Variants in SLCO1B3 observed in about 807,000 individuals in gnomAD.
The protein encoded by SLCO1B3 is solute carrier organic anion transporter family member 1B3.
In SLCO1B3, 72 loss-of-function variants were observed where a neutral mutation model predicts 71.8. The observed-to-expected ratio is 1.00, with a 90% CI of 0.83 to 1.22. SLCO1B3 has a LOEUF of 1.22. SLCO1B3 is among the 50% of genes most tolerant of loss of function. The probability of loss-of-function intolerance (pLI) is 0.00; values close to 1 mark genes in which losing one functional copy is unlikely to be tolerated. For synonymous variants in SLCO1B3, 298 were observed against 278.4 expected (o/e 1.07, Z -0.70); for missense variants, 911 against 819.7 (o/e 1.11, Z -1.36).
chr12:20,814,453 GAAC>G (rs1281944447), intron 2 of SLCO1B3, among the ~76,000 whole-genome samples: 2 of 152,112 alleles, frequency 1.3e-5, no homozygotes, highest in African/African-American at 4.8e-5. Context: ...CATATATTAT[GAAC>G]AACAGAATAC....
chr12:20,878,853 A>G (rs1453410128), intron 10 of SLCO1B3, among the ~76,000 whole-genome samples: 1 of 152,060 alleles, frequency 6.6e-6, no homozygotes, highest in Non-Finnish European at 1.5e-5. Flanking sequence ...ATCATGGTAG[A>G]TATGTCTTTT....
chr12:20,880,745 C>G (rs1472631447), intron 11 of SLCO1B3, 110 bp from the exon 12 acceptor site: 8 of 613,882 alleles, frequency 1.3e-5, no homozygotes, highest in Non-Finnish European at 2.1e-5. Flanking sequence ...TTTTCCTCTT[C>G]TCTTCCTCCT....
intron 8 of SLCO1B3, among the ~76,000 whole-genome samples, chr12:20,874,553 C>G (rs1280836684): frequency 6.6e-6 from 1 of 152,154 alleles, no homozygotes; most frequent in Non-Finnish European, 1.5e-5. Context: ...TTTCTACCTA[C>G]TAAAATAACT....
chr12:20,869,746 T>G (rs1368917210), intron 8 of SLCO1B3, among the ~76,000 whole-genome samples: 1 of 152,214 alleles, frequency 6.6e-6, no homozygotes, highest in African/African-American at 2.4e-5. Context: ...CTGTAGATAT[T>G]AGGTTGTTTT....
At chr12:20,871,879 C>T (rs921484962) in intron 8 of SLCO1B3, among the ~76,000 whole-genome samples, 4 of 151,990 alleles carry the variant, frequency 2.6e-5, no homozygotes, top group African/African-American at 7.2e-5. Flanking sequence ...TAACTACTGT[C>T]GGGCTACCAT....
intron 8 of SLCO1B3, among the ~76,000 whole-genome samples, chr12:20,871,951 A>C (rs1253369224): frequency 1.3e-5 from 2 of 152,128 alleles, no homozygotes; most frequent in Non-Finnish European, 2.9e-5. Flanking sequence ...CCAGGTTTGT[A>C]TCCTTCCCTT....
At chr12:20,815,945 C>T (rs1325586638) in intron 3 of SLCO1B3, 123 bp downstream of exon 3, 7 of 496,334 alleles carry the variant, frequency 1.4e-5, no homozygotes, top group Non-Finnish European at 2.5e-5. Context: ...TTGAAGCGTA[C>T]ATTAAAATAT....
chr12:20,833,441 TAC>T (rs1424502877), intron 3 of SLCO1B3, among the ~76,000 whole-genome samples: 1 of 149,662 alleles, frequency 6.7e-6, no homozygotes, highest in African/African-American at 2.4e-5. Context: ...TTACTATATA[TAC>T]ACACATATAT....
intron 8 of SLCO1B3, among the ~76,000 whole-genome samples, chr12:20,872,995 C>A (rs187972747): frequency 4.6e-5 from 7 of 152,232 alleles, no homozygotes; most frequent in Non-Finnish European, 2.9e-5. Flanking sequence ...GTCTTATCAG[C>A]ACCTTTACAC....
In SLCO1B3 at chr12:20,848,247, A is replaced by T. The variant is rs576987876; in HGVS notation, c.85-6781A>T. Among the ~76,000 whole-genome samples the T allele has an allele frequency of 3.3e-5, 5 of 152,338 alleles. No homozygotes were observed. In the East Asian group the frequency reaches 9.6e-4, roughly 29 times the overall value. On this transcript the variant is annotated intron_variant, in intron 3 of 15. Coordinates refer to ENST00000381545, the MANE Select transcript of SLCO1B3 (RefSeq NM_019844.4). ...ACTATATGAAAACATGTTCAACATA[A>T]TATGTCAATAGTGAATTGCCAATTC...
intron 8 of SLCO1B3, among the ~76,000 whole-genome samples, chr12:20,866,458 C>T (rs1020638329): frequency 1.5e-5 from 1 of 66,016 alleles, no homozygotes; most frequent in African/African-American, 3.0e-5. Flanking sequence ...ACTGTAGACT[C>T]GAAACATGAT....
At chr12:20,874,720 C>G (rs568050328) in intron 8 of SLCO1B3, among the ~76,000 whole-genome samples, 1 of 152,248 alleles carries the variant, frequency 6.6e-6, no homozygotes, top group South Asian at 2.1e-4. Context: ...AGTTTTTCAT[C>G]CTCTGTGCTG....
At chr12:20,822,198 C>A (rs887234039) in intron 3 of SLCO1B3, among the ~76,000 whole-genome samples, 1 of 152,094 alleles carries the variant, frequency 6.6e-6, no homozygotes, top group Non-Finnish European at 1.5e-5. Flanking sequence ...CATGTGTGTC[C>A]ATGTGAAGAG....
chr12:20,906,455 A>T (rs1866247731), intron 15 of SLCO1B3, among the ~76,000 whole-genome samples: 1 of 152,276 alleles, frequency 6.6e-6, no homozygotes, highest in East Asian at 1.9e-4. Flanking sequence ...AACCTATAGA[A>T]CTTTACAACA....
At chr12:20,834,560 A>G (rs925818638) in intron 3 of SLCO1B3, among the ~76,000 whole-genome samples, 3 of 151,010 alleles carry the variant, frequency 2.0e-5, no homozygotes, top group Non-Finnish European at 4.4e-5. Context: ...TTTAGCATCT[A>G]TCTCTCTGTA....
intron 3 of SLCO1B3, among the ~76,000 whole-genome samples, chr12:20,853,024 T>C (rs1309081552): frequency 6.6e-6 from 1 of 152,128 alleles, no homozygotes. Context: ...GAGATGATCA[T>C]GTGGTTTTGT....
intron 5 of SLCO1B3, 179 bp downstream of exon 5, chr12:20,858,750 A>G (rs993631379): frequency 9.6e-5 from 39 of 404,402 alleles, no homozygotes; most frequent in African/African-American, 8.0e-4. Flanking sequence ...TTCATCATGT[A>G]TTTCTTTATT....
At chr12:20,826,265 C>T (rs2121110565) in intron 3 of SLCO1B3, among the ~76,000 whole-genome samples, 1 of 151,398 alleles carries the variant, frequency 6.6e-6, no homozygotes, top group Non-Finnish European at 1.5e-5. Context: ...AATAGCAGAA[C>T]CTGAGGGAAA....
Position 20,898,399 on chromosome 12 carries a change from T to G in SLCO1B3, c.1683-37T>G, listed in dbSNP as rs769092171. Reference sequence around the variant, plus strand: ...ATATTAACTCAGTTTGATTTTTTAATGACATGTATTATTTCTTTGCCTTTA... The same window carrying G: ...ATATTAACTCAGTTTGATTTTTTAAGGACATGTATTATTTCTTTGCCTTTA... On this transcript the variant is annotated intron_variant, in intron 13 of 15. Transcript: ENST00000381545. 9 of 1,324,138 alleles carry G rather than the reference T, an allele frequency of 6.8e-6. No homozygotes were observed. In the African/African-American group the frequency reaches 1.3e-4, roughly 19 times the overall value. 82.0% of individuals were successfully genotyped at this position (1,324,138 alleles called of 1,614,324 possible).
Sources: allele counts gnomAD v4.1 joint callset (sites outside exome capture counted in the v4.1 genomes callset), GRCh38; gene constraint gnomAD v4.1.1; transcripts MANE v1.5; gene names NCBI Gene and HGNC (gene_info 2026-07-23, HGNC 2026-07-21).